Variants in NEO1 observed in about 807,000 individuals in gnomAD.
The protein encoded by NEO1 is neogenin.
A neutral mutation model predicts 159.7 loss-of-function variants in NEO1; 63 were observed. That is an observed-to-expected ratio of 0.39 (90% CI 0.32 to 0.49). The LOEUF is 0.49. Ranked by LOEUF, NEO1 falls within the 20% of genes least tolerant of loss-of-function variation. NEO1 has a pLI of 0.85. For synonymous variants in NEO1, 633 were observed against 662.0 expected (o/e 0.96, Z 0.67); for missense variants, 1,615 against 1,831.0 (o/e 0.88, Z 2.15).
chr15:73,121,004 A>G (rs1034865012), intron 2 of NEO1, among the ~76,000 whole-genome samples: 28 of 152,062 alleles, frequency 1.8e-4, no homozygotes, highest in African/African-American at 6.8e-4. Flanking sequence ...TTTCGGAGCC[A>G]GTAAGAGTAA....
chr15:73,243,064 G>A (rs146611240), intron 8 of NEO1, among the ~76,000 whole-genome samples: 4 of 152,282 alleles, frequency 2.6e-5, no homozygotes, highest in Non-Finnish European at 4.4e-5. Context: ...AGATTTAGCC[G>A]AAGAGAAAAT....
chr15:73,106,453 A>G (rs1026379792), intron 1 of NEO1, among the ~76,000 whole-genome samples: 33 of 152,224 alleles, frequency 2.2e-4, no homozygotes, highest in Admixed American at 1.4e-3. Flanking sequence ...CGTAATTAGT[A>G]TAAAAATTGT....
chr15:73,109,685 GA>G (rs2070870230), intron 1 of NEO1, among the ~76,000 whole-genome samples: 2 of 152,062 alleles, frequency 1.3e-5, no homozygotes, highest in South Asian at 4.1e-4. Flanking sequence ...AGGACATTAT[GA>G]TCCTGAACAA....
intron 7 of NEO1, among the ~76,000 whole-genome samples, chr15:73,227,652 A>G (rs1355448999): frequency 6.6e-6 from 1 of 152,248 alleles, no homozygotes; most frequent in East Asian, 1.9e-4. Context: ...GCAGCAGGTC[A>G]GAGCGGACAG....
intron 7 of NEO1, among the ~76,000 whole-genome samples, chr15:73,218,504 C>T (rs1034799979): frequency 2.0e-5 from 3 of 152,040 alleles, no homozygotes; most frequent in African/African-American, 7.2e-5. Flanking sequence ...AGGAATGGTA[C>T]CAGTTCCTCC....
chr15:73,291,427 C>T (rs549410157), intron 25 of NEO1, among the ~76,000 whole-genome samples: 9 of 152,100 alleles, frequency 5.9e-5, no homozygotes, highest in Admixed American at 2.6e-4. Context: ...TAATTTGTGC[C>T]TTAACAGTTG....
chr15:73,102,096 C>T (rs375156864), intron 1 of NEO1, among the ~76,000 whole-genome samples: 2 of 152,130 alleles, frequency 1.3e-5, no homozygotes, highest in South Asian at 2.1e-4. Context: ...AGTCCAGGTG[C>T]GGTGATTCAT....
intron 1 of NEO1, among the ~76,000 whole-genome samples, chr15:73,083,344 A>G (rs1055150387): frequency 6.6e-6 from 1 of 152,134 alleles, no homozygotes; most frequent in Non-Finnish European, 1.5e-5. Context: ...TGGTGATTGA[A>G]TGGGATGGAA....
chr15:73,220,350 T>C (rs1011571595), intron 7 of NEO1, among the ~76,000 whole-genome samples: 1 of 152,238 alleles, frequency 6.6e-6, no homozygotes, highest in African/African-American at 2.4e-5. Flanking sequence ...TCTCTCTGGC[T>C]GCCCTTAACA....
intron 25 of NEO1, 82 bp from the exon 26 acceptor site, chr15:73,293,308 G>A: frequency 6.5e-7 from 1 of 1,538,748 alleles, no homozygotes; most frequent in Non-Finnish European, 8.9e-7. Flanking sequence ...GGTGGGAAGG[G>A]GGTGACTTTG....
intron 1 of NEO1, among the ~76,000 whole-genome samples, chr15:73,092,749 C>G (rs1023554627): frequency 1.3e-5 from 2 of 152,020 alleles, no homozygotes; most frequent in Non-Finnish European, 2.9e-5. Flanking sequence ...TTTTTTAGAT[C>G]AGTTTTAGAT....
chr15:73,117,184 A>G (rs555954567), intron 2 of NEO1, among the ~76,000 whole-genome samples: 15 of 152,308 alleles, frequency 9.8e-5, no homozygotes, highest in African/African-American at 3.1e-4. Flanking sequence ...GCCAACTTCT[A>G]TCTTACCCAG....
In NEO1 at chr15:73,304,117, C is replaced by A. The variant is rs893567366; in HGVS notation, c.*1421C>A. On this transcript the variant is annotated 3_prime_UTR_variant, in exon 29 of 29. Coordinates refer to ENST00000261908, the MANE Select transcript of NEO1 (RefSeq NM_002499.4). Reference sequence around the variant, plus strand: ...GGACAGCGGAAACAGCTGCCCACCCCCCCCATCCCAGCAGCTCAGCTAAGC... The same window carrying A: ...GGACAGCGGAAACAGCTGCCCACCCACCCCATCCCAGCAGCTCAGCTAAGC... 6.6e-6 allele frequency: 1 copy of A among 152,154 alleles called. No homozygotes were observed. The highest frequency in any genetic ancestry group is 1.5e-5 in the Non-Finnish European group (1 of 68,050). The allele number at this position is 152,154 out of a possible 1,614,324, so 9.4% of individuals were successfully genotyped here.
chr15:73,095,265 A>G (rs372162583), intron 1 of NEO1, among the ~76,000 whole-genome samples: 7 of 152,116 alleles, frequency 4.6e-5, no homozygotes, highest in African/African-American at 1.7e-4. Flanking sequence ...TGTTTTTTAA[A>G]TAACCTATAA....
intron 26 of NEO1, among the ~76,000 whole-genome samples, chr15:73,294,151 AT>A (rs1294195186): frequency 1.3e-5 from 2 of 152,226 alleles, no homozygotes; most frequent in African/African-American, 4.8e-5. Flanking sequence ...TCTGAAGTGT[AT>A]TTAAAGAAAT....
At chr15:73,224,866 G>A (rs960523635) in intron 7 of NEO1, among the ~76,000 whole-genome samples, 3 of 151,930 alleles carry the variant, frequency 2.0e-5, no homozygotes, top group Non-Finnish European at 2.9e-5. Context: ...TTTGGGGGGG[G>A]TGTTAAAGAG....
rs755344122 is a variant in NEO1 at position 73,052,654 on chromosome 15, G to T, written c.-22G>T. ...GCTCCGCGGCGCTGTCGCCGCCGCT[G>T]CCGCTCACTCTCGGGGAAGAGATGG... On this transcript the variant is annotated 5_prime_UTR_variant, in exon 1 of 29. Coordinates refer to ENST00000261908, the MANE Select transcript of NEO1 (RefSeq NM_002499.4). The T allele has an allele frequency of 7.9e-7, 1 of 1,272,858 alleles. No homozygotes were observed. The highest frequency in any genetic ancestry group is 1.0e-6 in the Non-Finnish European group (1 of 1,004,148). 78.8% of individuals were successfully genotyped at this position (1,272,858 alleles called of 1,614,324 possible).
intron 5 of NEO1, among the ~76,000 whole-genome samples, chr15:73,137,167 A>G (rs1301214718): frequency 6.6e-6 from 1 of 152,198 alleles, no homozygotes; most frequent in Non-Finnish European, 1.5e-5. Flanking sequence ...TTTATAGCCA[A>G]GCTGAACACC....
intron 4 of NEO1, among the ~76,000 whole-genome samples, chr15:73,132,998 A>T (rs1021016366): frequency 6.6e-6 from 1 of 152,192 alleles, no homozygotes. Flanking sequence ...CTAAAAGTAG[A>T]TCTATCATTC....
Sources: gnomAD v4.1 joint callset for allele counts (sites outside exome capture counted in the v4.1 genomes callset) on GRCh38, gnomAD v4.1.1 for gene constraint, MANE v1.5 for transcripts, NCBI Gene and HGNC (gene_info 2026-07-23, HGNC 2026-07-21) for gene names.